The following COQ4 variants were observed in gnomAD, a reference collection of about 807,000 sequenced individuals.
The protein encoded by COQ4 is coenzyme Q4.
COQ4 carries 36 observed loss-of-function variants against 30.2 expected under a neutral mutation model. The observed-to-expected ratio is 1.19, with a 90% CI of 0.91 to 1.57. COQ4 has a LOEUF of 1.57. Ranked by LOEUF, COQ4 falls within the 40% of genes most tolerant of loss-of-function variation. The probability of loss-of-function intolerance (pLI) is 0.00; values close to 1 mark genes in which losing one functional copy is unlikely to be tolerated. For synonymous variants in COQ4, 197 were observed against 161.0 expected (o/e 1.22, Z -1.69); for missense variants, 369 against 371.9 (o/e 0.99, Z 0.07).
rs779617452 is a variant in COQ4, at chr9:128,333,687, T to C, written c.*42T>C. ...GGCCTGGCCTACCTCCCCCATCCCC[T>C]GCTTCCCTTGGAGGCAGAGGGCTCC... On this transcript the variant is annotated 3_prime_UTR_variant, in exon 7 of 7. Transcript: ENST00000300452. The C allele has an allele frequency of 4.7e-6, 7 of 1,476,228 alleles. 1 individual carries two copies. In the South Asian group the frequency reaches 5.6e-5, roughly 12 times the overall value. The allele number at this position is 1,476,228 out of a possible 1,614,324, so 91.4% of individuals were successfully genotyped here.
intron 2 of COQ4, among the ~76,000 whole-genome samples, chr9:128,324,131 G>T (rs1379394557): frequency 6.6e-5 from 10 of 152,038 alleles, no homozygotes; most frequent in Non-Finnish European, 1.5e-4. Flanking sequence ...TTACAGGCCT[G>T]TGCGGCCTGG....
At position 128,332,107 on chromosome 9, in the gene COQ4, C is replaced by T. The variant is rs750863749; in HGVS notation, c.403-46C>T. On this transcript the variant is annotated intron_variant, in intron 4 of 6. Coordinates refer to ENST00000300452, the MANE Select transcript of COQ4 (RefSeq NM_016035.5). ...CAGAGACAGACTGGCAAATCGGGCC[C>T]TGGGAACCATCAGGAAGGGTTCTAG... is the stretch of plus-strand genomic sequence containing the variant. 44 of 1,540,640 alleles carry T rather than the reference C, an allele frequency of 2.9e-5. No homozygotes were observed. The African/African-American group carries it at 4.8e-4, about 17-fold the overall frequency.
intron 4 of COQ4, among the ~76,000 whole-genome samples, chr9:128,329,865 G>A (rs1447059470): frequency 6.6e-6 from 1 of 152,166 alleles, no homozygotes; most frequent in Non-Finnish European, 1.5e-5. Flanking sequence ...CTGTGTATGG[G>A]TGCTGCTGAG....
intron 4 of COQ4, 145 bp from the exon 5 acceptor site, chr9:128,332,008 G>T: frequency 2.2e-6 from 2 of 906,700 alleles, no homozygotes; most frequent in Non-Finnish European, 3.3e-6. Context: ...GGATTTACAG[G>T]CATGAGCCTC....
intron 4 of COQ4, among the ~76,000 whole-genome samples, chr9:128,327,678 T>C (rs1381621684): frequency 1.3e-5 from 2 of 151,964 alleles, no homozygotes; most frequent in Non-Finnish European, 2.9e-5. Flanking sequence ...TGTATACCCA[T>C]AGTCCCAGCT....
intron 4 of COQ4, among the ~76,000 whole-genome samples, chr9:128,330,108 C>T (rs1832380463): frequency 1.3e-5 from 2 of 151,694 alleles, no homozygotes; most frequent in Admixed American, 1.3e-4. Flanking sequence ...CGGTGGCTCA[C>T]AACTGTAATC....
chr9:128,326,117 C>A, intron 4 of COQ4: 1 of 578,942 alleles, frequency 1.7e-6, no homozygotes, highest in Non-Finnish European at 3.1e-6. Flanking sequence ...TGATGCCAGC[C>A]TCATCCGTGA....
At position 128,330,730 on chromosome 9, in the gene COQ4, G is replaced by T. The variant is rs1588543205; in HGVS notation, c.403-1423G>T. On this transcript the variant is annotated intron_variant, in intron 4 of 6. Transcript: ENST00000300452. ...TCCGCCCGCCTCGGCCTCCCAAAGT[G>T]CTGGGATTGTAACCATGAGTCACCG... 2.0e-5 allele frequency: 3 copies of T among 152,186 alleles called. 1 individual carries two copies. The highest frequency in any genetic ancestry group is 7.2e-5 in the African/African-American group (3 of 41,526). The allele number at this position is 152,186 out of a possible 1,614,324, so 9.4% of individuals were successfully genotyped here.
chr9:128,325,694 A>C (rs1832305131), intron 3 of COQ4, 85 bp from the exon 4 acceptor site: 1 of 1,052,748 alleles, frequency 9.5e-7, no homozygotes, highest in Non-Finnish European at 1.5e-6. Context: ...TCCTCTGTAC[A>C]TTCTCCCGCC....
rs1374017048 is a variant in COQ4 at position 128,333,678 on chromosome 9, C to T, written c.*33C>T. 10 of 1,488,362 alleles carry T rather than the reference C, an allele frequency of 6.7e-6. No homozygotes were observed. Among genetic ancestry groups the T allele is most frequent in the Non-Finnish European group, 8.0e-6 (9 of 1,123,916 alleles). 92.2% of individuals were successfully genotyped at this position (1,488,362 alleles called of 1,614,324 possible). ...AGCCAGCGGGGCCTGGCCTACCTCC[C>T]CCATCCCCTGCTTCCCTTGGAGGCA... is the stretch of plus-strand genomic sequence containing the variant. On this transcript the variant is annotated 3_prime_UTR_variant, in exon 7 of 7. Transcript: ENST00000300452.
At chr9:128,325,039 A>G (rs1832293617) in intron 2 of COQ4, 104 bp from the exon 3 acceptor site, 5 of 744,852 alleles carry the variant, frequency 6.7e-6, no homozygotes, top group South Asian at 3.4e-5. Context: ...ACAAAGAGCT[A>G]GACATCATCC....
chr9:128,332,441 C>A, intron 5 of COQ4, 159 bp downstream of exon 5: 1 of 741,676 alleles, frequency 1.3e-6, no homozygotes, highest in Non-Finnish European at 2.2e-6. Flanking sequence ...TGTCCCCCTT[C>A]TTTCTCCCAC....
intron 2 of COQ4, chr9:128,323,664 A>C: frequency 3.8e-6 from 1 of 266,436 alleles, no homozygotes; most frequent in Non-Finnish European, 7.0e-6. Flanking sequence ...CTACTAACAA[A>C]AACAGGCTAG....
chr9:128,327,594 G>A (rs1832343336), intron 4 of COQ4, among the ~76,000 whole-genome samples: 1 of 152,172 alleles, frequency 6.6e-6, no homozygotes, highest in Non-Finnish European at 1.5e-5. Flanking sequence ...GAGCCCAGGA[G>A]TTTGAGACCA....
intron 4 of COQ4, chr9:128,331,262 G>A (rs1173067474): frequency 6.6e-6 from 1 of 152,228 alleles, no homozygotes; most frequent in Non-Finnish European, 1.5e-5. Context: ...GCAAGCGGCT[G>A]CCATACTGGA....
At chr9:128,332,313 C>T in intron 5 of COQ4, 31 bp downstream of exon 5, 1 of 1,609,002 alleles carries the variant, frequency 6.2e-7, no homozygotes, top group Non-Finnish European at 8.5e-7. Flanking sequence ...TGGCCTGTCT[C>T]CCTGGGGTGG....
At chr9:128,330,765 A>C (rs977955331) in intron 4 of COQ4, 6 of 152,024 alleles carry the variant, frequency 3.9e-5, no homozygotes, top group African/African-American at 1.4e-4. Context: ...GTGCCTGGCT[A>C]GAATTGATTT....
chr9:128,328,161 G>C (rs1203792860), intron 4 of COQ4, among the ~76,000 whole-genome samples: 1 of 152,262 alleles, frequency 6.6e-6, no homozygotes, highest in Non-Finnish European at 1.5e-5. Context: ...TGGGCTGGAA[G>C]GGGAGCCAGG....
chr9:128,325,331 G>C, intron 3 of COQ4, 92 bp downstream of exon 3: 1 of 918,222 alleles, frequency 1.1e-6, no homozygotes, highest in East Asian at 2.6e-5. Context: ...TTCCGCTAGG[G>C]AGCTTTTGAT....
Sources: allele counts gnomAD v4.1 joint callset (sites outside exome capture counted in the v4.1 genomes callset), GRCh38; gene constraint gnomAD v4.1.1; transcripts MANE v1.5; gene names NCBI Gene and HGNC (gene_info 2026-07-23, HGNC 2026-07-21).